STX6: variants seen among roughly 807,000 people sequenced by gnomAD.
The protein encoded by STX6 is syntaxin 6, also known as syntaxin-6.
STX6 carries 23 observed loss-of-function variants against 38.0 expected under a neutral mutation model. The ratio of observed to expected loss-of-function variants is 0.60; its 90% CI spans 0.43 to 0.86. The LOEUF (loss-of-function observed/expected upper bound fraction) is 0.86. Ranked by LOEUF, STX6 falls within the 40% of genes least tolerant of loss-of-function variation. The pLI, the probability that STX6 is intolerant of heterozygous loss-of-function variation, is 0.00. For synonymous variants in STX6, 123 were observed against 107.5 expected (o/e 1.14, Z -0.89); for missense variants, 274 against 312.9 (o/e 0.88, Z 0.94).
intron 7 of STX6, among the ~76,000 whole-genome samples, chr1:180,982,294 T>A (rs1655440365): frequency 6.6e-6 from 1 of 152,132 alleles, no homozygotes; most frequent in South Asian, 2.1e-4. Context: ...TGCTTGTTTG[T>A]CAAATTGAAG....
rs1019708469 is a variant in STX6, at chr1:181,002,465, T to A, written c.300+141A>T. On this transcript the variant is annotated intron_variant, in intron 3 of 7. Transcript: ENST00000258301. The stretch of plus-strand genomic sequence containing the variant: ...CACCATGCGCAGCCAATCAGAGAAA[T>A]TATATATGGGGAAGCTCACATTTAA... 6 of 553,114 alleles carry A rather than the reference T, an allele frequency of 1.1e-5. No homozygotes were observed. The African/African-American group carries it at 1.2e-4, about 11-fold the overall frequency. The allele number at this position is 553,114 out of a possible 1,614,324, so 34.3% of individuals were successfully genotyped here. A position where few individuals can be genotyped will look rare whatever the true frequency, so the allele number is the denominator to read the frequency against.
rs764153956 is a variant in STX6 at position 180,990,047 on chromosome 1, A to G, written c.426T>C (p.Arg142=). Residue 142 remains arginine (R), a synonymous_variant, in exon 5 of 8, where the codon CGT becomes CGC. Coordinates refer to ENST00000258301, the MANE Select transcript of STX6 (RefSeq NM_005819.6). The part of the protein sequence containing the change: ...WSTGTTDKYG[R]LDRELQRANS... ...TGGCTCTCTGGAGCTCTCGGTCCAG[A>G]CGCCCATATTTATCTGTTGTTCCAG... 1 of 1,613,982 alleles carries G rather than the reference A, an allele frequency of 6.2e-7. No homozygotes were observed. Among genetic ancestry groups the G allele is most frequent in the Middle Eastern group, 1.7e-4 (1 of 6,060 alleles).
In STX6 at chr1:181,022,809, C is replaced by T. The variant is rs1656785241; in HGVS notation, c.-136G>A. ...GGTGAAGCCGAGCAGCGGGCACGCGCACAGGCCAGGTGCACAGGACGGCCG... is the reference window on the plus strand; with the variant it reads ...GGTGAAGCCGAGCAGCGGGCACGCGTACAGGCCAGGTGCACAGGACGGCCG... On this transcript the variant is annotated 5_prime_UTR_variant, in exon 1 of 8. Coordinates refer to ENST00000258301, the MANE Select transcript of STX6 (RefSeq NM_005819.6). 9.5e-6 allele frequency: 8 copies of T among 839,272 alleles called. No individual in the cohort carries two copies. The South Asian group carries it at 1.3e-4, about 13-fold the overall frequency. The allele number at this position is 839,272 out of a possible 1,614,324, so 52.0% of individuals were successfully genotyped here. A position where few individuals can be genotyped will look rare whatever the true frequency, so the allele number is the denominator to read the frequency against.
At position 180,976,304 on chromosome 1, in the gene STX6, G is replaced by A. The variant is rs1336074601; in HGVS notation, c.*266C>T. The A allele has an allele frequency of 2.3e-6, 1 of 440,966 alleles. No individual in the cohort carries two copies. Among genetic ancestry groups the A allele is most frequent in the African/African-American group, 2.0e-5 (1 of 50,762 alleles). The allele number at this position is 440,966 out of a possible 1,614,324, so 27.3% of individuals were successfully genotyped here. A position where few individuals can be genotyped will look rare whatever the true frequency, so the allele number is the denominator to read the frequency against. On this transcript the variant is annotated 3_prime_UTR_variant, in exon 8 of 8. Transcript: ENST00000258301. ...GTCCCGGAAGGCAAGGCAGCAGCTA[G>A]TTCTCCTCCGAACTGGACAGGCGGC...
intron 1 of STX6, among the ~76,000 whole-genome samples, chr1:181,013,212 G>C (rs1160182166): frequency 1.3e-5 from 2 of 151,614 alleles, no homozygotes; most frequent in African/African-American, 4.8e-5. Flanking sequence ...AGTTTGCCAA[G>C]TAAAATGAGA....
chr1:181,002,185 ATTTTTTT>A (rs112055963), intron 3 of STX6, among the ~76,000 whole-genome samples: 6 of 148,196 alleles, frequency 4.0e-5, no homozygotes, highest in African/African-American at 1.5e-4. Context: ...AATCACGGAA[ATTTTTTT>A]TTTTTTTTAA....
At chr1:181,007,687 CT>C in intron 1 of STX6, among the ~76,000 whole-genome samples, 1 of 152,236 alleles carries the variant, frequency 6.6e-6, no homozygotes, top group East Asian at 1.9e-4. Flanking sequence ...AATCTATGAA[CT>C]TTTTTGGTCT....
chr1:181,022,711 A>C lies in STX6; in HGVS notation c.-38T>G, dbSNP rs576840013. The C allele has an allele frequency of 2.5e-6, 4 of 1,586,326 alleles. No homozygotes were observed. The South Asian group carries it at 3.4e-5, about 14-fold the overall frequency. On this transcript the variant is annotated 5_prime_UTR_variant, in exon 1 of 8. Transcript: ENST00000258301. ...CCGGCCGCCTTCACCTCCTCCGCGC[A>C]CAGGGCGCCCGTGCCTCCCGGTCTC... is the stretch of plus-strand genomic sequence containing the variant.
intron 7 of STX6, among the ~76,000 whole-genome samples, chr1:180,983,737 T>G (rs1655479671): frequency 6.6e-6 from 1 of 152,278 alleles, no homozygotes; most frequent in African/African-American, 2.4e-5. Context: ...AAAAAACCAG[T>G]AAAATAAAGA....
At chr1:181,011,563 C>A (rs963290666) in intron 1 of STX6, among the ~76,000 whole-genome samples, 4 of 152,222 alleles carry the variant, frequency 2.6e-5, no homozygotes, top group African/African-American at 9.6e-5. Flanking sequence ...AGACAACCCT[C>A]TCAATCCAGA....
chr1:180,976,527 T>C lies in STX6; in HGVS notation c.*43A>G. ...ACGTGCTCAGCTTCTCCTCCTCCCC[T>C]CGGTTCATATGCAGGAGGAACTCGC... On this transcript the variant is annotated 3_prime_UTR_variant, in exon 8 of 8. Coordinates refer to ENST00000258301, the MANE Select transcript of STX6 (RefSeq NM_005819.6). The C allele has an allele frequency of 6.5e-7, 1 of 1,546,850 alleles. No individual in the cohort carries two copies. The highest frequency in any genetic ancestry group is 1.4e-5 in the African/African-American group (1 of 73,702).
intron 7 of STX6, among the ~76,000 whole-genome samples, chr1:180,978,210 A>T (rs1206133458): frequency 6.6e-6 from 1 of 152,236 alleles, no homozygotes; most frequent in Non-Finnish European, 1.5e-5. Context: ...ACAAGTAAAA[A>T]GCTGAACAAA....
At chr1:180,982,783 A>AAGGC (rs1655454038) in intron 7 of STX6, among the ~76,000 whole-genome samples, 1 of 152,138 alleles carries the variant, frequency 6.6e-6, no homozygotes, top group Non-Finnish European at 1.5e-5. Context: ...TAGAGGGGAG[A>AAGGC]AGGCAGAAGA....
At chr1:181,010,364 C>T (rs2102328402) in intron 1 of STX6, among the ~76,000 whole-genome samples, 1 of 152,098 alleles carries the variant, frequency 6.6e-6, no homozygotes, top group African/African-American at 2.4e-5. Context: ...TGCAGTGGTG[C>T]CATTTCAGCT....
intron 1 of STX6, among the ~76,000 whole-genome samples, chr1:181,016,611 TAC>T (rs1486721043): frequency 6.6e-6 from 1 of 152,244 alleles, no homozygotes; most frequent in African/African-American, 2.4e-5. Flanking sequence ...ACTATACCAA[TAC>T]AGTTTTTCAA....
At chr1:180,981,454 C>T (rs1655413602) in intron 7 of STX6, among the ~76,000 whole-genome samples, 1 of 152,166 alleles carries the variant, frequency 6.6e-6, no homozygotes, top group Non-Finnish European at 1.5e-5. Flanking sequence ...TATTCCTTCT[C>T]CAACCCCGCC....
At chr1:181,008,257 T>C (rs1387919082) in intron 1 of STX6, among the ~76,000 whole-genome samples, 1 of 152,226 alleles carries the variant, frequency 6.6e-6, no homozygotes, top group Non-Finnish European at 1.5e-5. Flanking sequence ...TAGGGCGCTT[T>C]GTTTCCCTTA....
intron 1 of STX6, among the ~76,000 whole-genome samples, chr1:181,007,712 T>C (rs974531332): frequency 3.3e-5 from 5 of 152,212 alleles, no homozygotes; most frequent in Non-Finnish European, 7.3e-5. Flanking sequence ...GAGACTCCTT[T>C]GAACTCTTCA....
chr1:180,988,995 T>A (rs1057510239), intron 5 of STX6: 2 of 152,292 alleles, frequency 1.3e-5, no homozygotes, highest in African/African-American at 4.8e-5. Flanking sequence ...CAAAAGAACA[T>A]ATAAACTACA....
Sources: gnomAD v4.1 joint callset for allele counts (sites outside exome capture counted in the v4.1 genomes callset) on GRCh38, gnomAD v4.1.1 for gene constraint, MANE v1.5 for transcripts, NCBI Gene and HGNC (gene_info 2026-07-23, HGNC 2026-07-21) for gene names.